SMU1: variants seen among roughly 807,000 people sequenced by gnomAD.
SMU1 encodes the protein WD40 repeat-containing protein SMU1.
SMU1 carries 2 observed loss-of-function variants against 62.0 expected under a neutral mutation model. The observed-to-expected ratio is 0.03, with a 90% CI of 0.01 to 0.10. The LOEUF is 0.10. SMU1 is among the 10% of genes least tolerant of loss of function. The pLI is 1.00. For missense variants in SMU1, 227 were observed against 622.1 expected, an observed-to-expected ratio of 0.36 and a Z score of 6.76; for synonymous variants, 188 against 212.4, an observed-to-expected ratio of 0.89 and a Z score of 1.00.
In SMU1 at chr9:33,048,163, C is replaced by T. The variant is rs762026729; in HGVS notation, c.1386G>A (p.Glu462=). ...PRGEWIYCVG[E]DFVLYCFSTV... is the part of the protein sequence containing the mutation. ...TACTGAAACAGTAGAGCACAAAGTC[C>T]TCCCCTACACAGTAGATCCATTCAC... The change falls in exon 11 of 12, where the codon GAG becomes GAA. Residue 462 remains glutamate, a synonymous_variant. Transcript: ENST00000397149. 6.2e-7 allele frequency: 1 copy of T among 1,614,070 alleles called. No individual in the cohort carries two copies. Among genetic ancestry groups the T allele is most frequent in the South Asian group, 1.1e-5 (1 of 91,070 alleles).
At chr9:33,072,776 C>G (rs1445544035) in intron 2 of SMU1, among the ~76,000 whole-genome samples, 2 of 143,186 alleles carry the variant, frequency 1.4e-5, no homozygotes, top group Admixed American at 7.6e-5. Flanking sequence ...TTGCAGTGAG[C>G]AGAGATCGCA....
In SMU1 at chr9:33,048,528, T is replaced by G. The variant is rs189062520; in HGVS notation, c.1291-270A>C. Among the ~76,000 whole-genome samples the G allele has an allele frequency of 2.6e-5, 4 of 152,320 alleles. No homozygotes were observed. In the South Asian group the frequency reaches 8.3e-4, roughly 32 times the overall value. On this transcript the variant is annotated intron_variant, in intron 10 of 11. Transcript: ENST00000397149. ...ATGCCCTAAAGAGACATATTACCCT[T>G]AAGCAAATTTCATTGCCATACAAAA...
At chr9:33,075,239 T>C (rs909597983) in intron 1 of SMU1, among the ~76,000 whole-genome samples, 9 of 152,102 alleles carry the variant, frequency 5.9e-5, no homozygotes, top group African/African-American at 2.2e-4. Flanking sequence ...TAGCCGGGCA[T>C]GGTGGTGGGC....
intron 8 of SMU1, 25 bp downstream of exon 8, chr9:33,056,812 G>A (rs765894667): frequency 1.1e-5 from 17 of 1,607,796 alleles, no homozygotes; most frequent in Non-Finnish European, 1.3e-5. Flanking sequence ...ACTCAAGTGA[G>A]AGCAGTTTTG....
chr9:33,059,686 A>C (rs1587709218), intron 6 of SMU1, among the ~76,000 whole-genome samples: 1 of 144,032 alleles, frequency 6.9e-6, no homozygotes, highest in Non-Finnish European at 1.5e-5. Flanking sequence ...GCTCACTGCA[A>C]CCTCCACCTC....
At chr9:33,063,132 T>C (rs951536969) in intron 4 of SMU1, among the ~76,000 whole-genome samples, 9 of 152,152 alleles carry the variant, frequency 5.9e-5, no homozygotes, top group Non-Finnish European at 1.3e-4. Flanking sequence ...GAGGCCAAGG[T>C]GGGCAGATCA....
intron 3 of SMU1, among the ~76,000 whole-genome samples, chr9:33,070,122 A>C (rs1839470392): frequency 6.6e-6 from 1 of 152,176 alleles, no homozygotes; most frequent in African/African-American, 2.4e-5. Context: ...TCTGTCTCAA[A>C]AACAACAACA....
In SMU1 at chr9:33,043,742, G is replaced by A. The variant is rs1365272015; in HGVS notation, c.*3551C>T. On this transcript the variant is annotated 3_prime_UTR_variant, in exon 12 of 12. Transcript: ENST00000397149. Reference sequence around the variant, plus strand: ...CAAGAGAGAAAAAAAACCTAGCTTCGGAGTCACATCTGGTTTTCAATGCGA... The same window carrying A: ...CAAGAGAGAAAAAAAACCTAGCTTCAGAGTCACATCTGGTTTTCAATGCGA... 6.6e-6 allele frequency: 1 copy of A among 152,132 alleles called. No individual in the cohort carries two copies. The highest frequency in any genetic ancestry group is 2.4e-5 in the African/African-American group (1 of 41,392). The allele number at this position is 152,132 out of a possible 1,614,324, so 9.4% of individuals were successfully genotyped here. A position where few individuals can be genotyped will look rare whatever the true frequency, so the allele number is the denominator to read the frequency against.
At chr9:33,047,605 C>G (rs1455509702) in intron 11 of SMU1, among the ~76,000 whole-genome samples, 2 of 152,182 alleles carry the variant, frequency 1.3e-5, no homozygotes, top group Admixed American at 1.3e-4. Flanking sequence ...TGTCTGCAAT[C>G]CCAGTACTTT....
At chr9:33,075,142 C>T in intron 1 of SMU1, among the ~76,000 whole-genome samples, 1 of 152,132 alleles carries the variant, frequency 6.6e-6, no homozygotes, top group Non-Finnish European at 1.5e-5. Flanking sequence ...TTTGGAAGGC[C>T]GAGGCGGGCA....
At chr9:33,068,026 C>T (rs888152146) in intron 4 of SMU1, among the ~76,000 whole-genome samples, 5 of 152,242 alleles carry the variant, frequency 3.3e-5, no homozygotes, top group Non-Finnish European at 7.4e-5. Flanking sequence ...CAGCAGCTAC[C>T]ATTTACTATT....
chr9:33,071,322 G>A (rs1180145537), intron 3 of SMU1, among the ~76,000 whole-genome samples: 1 of 152,102 alleles, frequency 6.6e-6, no homozygotes, highest in African/African-American at 2.4e-5. Context: ...CTACTGGTAA[G>A]CATAATCCGC....
At chr9:33,052,177 G>T (rs1463493418) in intron 10 of SMU1, among the ~76,000 whole-genome samples, 1 of 151,998 alleles carries the variant, frequency 6.6e-6, no homozygotes, top group African/African-American at 2.4e-5. Context: ...AATAAGATCT[G>T]TAATAGAGTT....
chr9:33,073,908 T>G, intron 1 of SMU1, 102 bp from the exon 2 acceptor site: 1 of 1,082,664 alleles, frequency 9.2e-7, no homozygotes, highest in African/African-American at 1.6e-5. Flanking sequence ...TCACTACTAT[T>G]TCTTTATCAT....
Position 33,072,730 on chromosome 9 carries a change from G to A in SMU1, c.238-838C>T, listed in dbSNP as rs556422293. The stretch of plus-strand genomic sequence containing the variant: ...TGTAATCCCAGCTACTCGGGAGGCT[G>A]AGGCAGGAGAATCGCTTGAACCCCG... On this transcript the variant is annotated intron_variant, in intron 2 of 11. Coordinates refer to ENST00000397149, the MANE Select transcript of SMU1 (RefSeq NM_018225.3). 2.0e-3 allele frequency among the ~76,000 whole-genome samples: 305 copies of A among 151,578 alleles called. 1 individual carries two copies. Among genetic ancestry groups the A allele is most frequent in the Non-Finnish European group, 3.7e-3 (254 of 67,930 alleles).
intron 10 of SMU1, among the ~76,000 whole-genome samples, chr9:33,052,679 C>G (rs908241374): frequency 2.5e-4 from 38 of 152,322 alleles, no homozygotes; most frequent in African/African-American, 7.9e-4. Flanking sequence ...TCCTTGAGAA[C>G]CTTGCAGGTT....
At chr9:33,048,332 G>A in intron 10 of SMU1, 74 bp from the exon 11 acceptor site, 4 of 1,560,450 alleles carry the variant, frequency 2.6e-6, no homozygotes, top group South Asian at 1.2e-5. Flanking sequence ...ATTTTAAACT[G>A]ACATTTTTAC....
Position 33,042,262 on chromosome 9 carries a change from C to T in SMU1, c.*5031G>A, listed in dbSNP as rs773881837. The T allele has an allele frequency of 6.5e-6, 1 of 152,780 alleles. No individual in the cohort carries two copies. The highest frequency in any genetic ancestry group is 1.5e-5 in the Non-Finnish European group (1 of 68,074). 9.5% of individuals were successfully genotyped at this position (152,780 alleles called of 1,614,324 possible). ...TGTAGTTTTTCAGCTTGTATTATTACTACCACTAACAGCCTCTGTTGAACC... is the reference window on the plus strand; with the variant it reads ...TGTAGTTTTTCAGCTTGTATTATTATTACCACTAACAGCCTCTGTTGAACC... On this transcript the variant is annotated 3_prime_UTR_variant, in exon 12 of 12. Coordinates refer to ENST00000397149, the MANE Select transcript of SMU1 (RefSeq NM_018225.3).
intron 4 of SMU1, among the ~76,000 whole-genome samples, chr9:33,067,077 T>C (rs989031911): frequency 1.3e-5 from 2 of 152,026 alleles, no homozygotes; most frequent in African/African-American, 4.8e-5. Context: ...TAAGCAATAA[T>C]TATTGCAAAT....
Sources: gnomAD v4.1 joint callset for allele counts (sites outside exome capture counted in the v4.1 genomes callset) on GRCh38, gnomAD v4.1.1 for gene constraint, MANE v1.5 for transcripts, NCBI Gene and HGNC (gene_info 2026-07-23, HGNC 2026-07-21) for gene names.